STAG1: variants seen among roughly 807,000 people sequenced by gnomAD.
The protein encoded by STAG1 is cohesin subunit SA-1.
A neutral mutation model predicts 170.9 loss-of-function variants in STAG1; 26 were observed. That is an observed-to-expected ratio of 0.15 (90% CI 0.11 to 0.21). The LOEUF (loss-of-function observed/expected upper bound fraction) is 0.21, where lower values mean the gene tolerates loss of function less well. Among genes scored for constraint, STAG1 ranks in the 10% least tolerant of loss-of-function variants. The pLI is 1.00. For missense variants in STAG1, 964 were observed against 1,509.5 expected, an observed-to-expected ratio of 0.64 and a Z score of 5.99; for synonymous variants, 514 against 497.7, an observed-to-expected ratio of 1.03 and a Z score of -0.44.
intron 29 of STAG1, among the ~76,000 whole-genome samples, chr3:136,344,222 A>C (rs902214914): frequency 2.0e-5 from 3 of 152,184 alleles, no homozygotes; most frequent in African/African-American, 7.2e-5. Context: ...TAACCTCACG[A>C]AGTTGTAGGG....
chr3:136,562,266 CTT>C (rs879284648), intron 5 of STAG1, among the ~76,000 whole-genome samples: 4 of 137,052 alleles, frequency 2.9e-5, no homozygotes. Flanking sequence ...ATTTCTTTTT[CTT>C]TTTTTTTTTT....
chr3:136,644,390 G>A (rs887981188), intron 1 of STAG1, among the ~76,000 whole-genome samples: 4 of 152,144 alleles, frequency 2.6e-5, no homozygotes, highest in Non-Finnish European at 5.9e-5. Context: ...CACCATGCCT[G>A]CCAGCTGCCC....
At chr3:136,752,083 C>T (rs1433689371) in intron 1 of STAG1, 112 bp downstream of exon 1, 1 of 153,600 alleles carries the variant, frequency 6.5e-6, no homozygotes, top group East Asian at 1.9e-4. Flanking sequence ...CTCGCGCTCT[C>T]TCGCTCTCGC....
chr3:136,581,941 ATG>A (rs1322768493), intron 4 of STAG1, among the ~76,000 whole-genome samples: 10 of 152,222 alleles, frequency 6.6e-5, no homozygotes, highest in African/African-American at 2.4e-4. Context: ...AATTATGACT[ATG>A]TGTGATACTT....
chr3:136,524,149 G>A (rs1219301403), intron 6 of STAG1, among the ~76,000 whole-genome samples: 3 of 152,136 alleles, frequency 2.0e-5, no homozygotes, highest in African/African-American at 7.2e-5. Context: ...TTGGTAGCTT[G>A]ATGGGGATGG....
intron 1 of STAG1, among the ~76,000 whole-genome samples, chr3:136,728,105 G>A (rs57809245): frequency 6.6e-6 from 1 of 152,190 alleles, no homozygotes; most frequent in East Asian, 1.9e-4. Context: ...GTTGCAGTAA[G>A]CCGAGGTTGC....
chr3:136,713,487 G>A (rs113599378), intron 1 of STAG1, among the ~76,000 whole-genome samples: 7 of 151,918 alleles, frequency 4.6e-5, no homozygotes, highest in African/African-American at 1.4e-4. Context: ...GGAGGCTGAG[G>A]CAGAAGAATC....
In STAG1 at chr3:136,629,622, G is replaced by T. The variant is rs146697304; in HGVS notation, c.29+1248C>A. Among the ~76,000 whole-genome samples, 408 of 152,102 alleles carry T rather than the reference G, an allele frequency of 2.7e-3. 2 individuals are homozygous for T. The highest frequency in any genetic ancestry group is 9.5e-3 in the African/African-American group (396 of 41,488). On this transcript the variant is annotated intron_variant, in intron 2 of 33. Transcript: ENST00000383202. ...GACAGTATTGATGGTTTTTCAAGCGGTTTAAAGAAATTTGGATAGCTCTGT... is the reference window on the plus strand; with the variant it reads ...GACAGTATTGATGGTTTTTCAAGCGTTTTAAAGAAATTTGGATAGCTCTGT...
intron 1 of STAG1, among the ~76,000 whole-genome samples, chr3:136,633,710 AGGGG>A (rs71157394): frequency 0.014 from 608 of 44,836 alleles, 16 homozygotes; most frequent in African/African-American, 0.048. Flanking sequence ...TCAAAAAAAA[AGGGG>A]GGGGGGGGGG....
chr3:136,558,045 T>C (rs973143194), intron 5 of STAG1, among the ~76,000 whole-genome samples: 4 of 152,144 alleles, frequency 2.6e-5, no homozygotes, highest in African/African-American at 9.7e-5. Context: ...GGCTGCAAGA[T>C]GGAAGAAGAA....
At chr3:136,688,492 A>G (rs766719879) in intron 1 of STAG1, among the ~76,000 whole-genome samples, 9 of 152,110 alleles carry the variant, frequency 5.9e-5, no homozygotes, top group Non-Finnish European at 1.0e-4. Context: ...CTCCGCCTCA[A>G]GCAAGCCTCC....
At chr3:136,751,442 G>A (rs1224324145) in intron 1 of STAG1, among the ~76,000 whole-genome samples, 1 of 152,058 alleles carries the variant, frequency 6.6e-6, no homozygotes, top group South Asian at 2.1e-4. Context: ...GAGAAAGGAG[G>A]GAAAACAACT....
At chr3:136,726,347 TG>T (rs1933687931) in intron 1 of STAG1, among the ~76,000 whole-genome samples, 1 of 152,192 alleles carries the variant, frequency 6.6e-6, no homozygotes, top group Non-Finnish European at 1.5e-5. Context: ...TATTCCCAGT[TG>T]TGACAATCAA....
intron 13 of STAG1, among the ~76,000 whole-genome samples, chr3:136,462,145 C>CA (rs1370806890): frequency 6.6e-6 from 1 of 151,908 alleles, no homozygotes; most frequent in African/African-American, 2.4e-5. Flanking sequence ...GGAAGTTACT[C>CA]AAAAAACTAA....
intron 4 of STAG1, among the ~76,000 whole-genome samples, chr3:136,594,708 T>TTAATA (rs1938339620): frequency 6.6e-6 from 1 of 152,194 alleles, no homozygotes; most frequent in Non-Finnish European, 1.5e-5. Context: ...GTGAGTTTAA[T>TTAATA]TAATATTGTA....
chr3:136,614,289 G>A (rs1939465429), intron 3 of STAG1, among the ~76,000 whole-genome samples: 1 of 152,124 alleles, frequency 6.6e-6, no homozygotes, highest in African/African-American at 2.4e-5. Context: ...ATACAATCTT[G>A]TCAATTGGTA....
At chr3:136,346,779 G>C (rs1206196511) in intron 29 of STAG1, among the ~76,000 whole-genome samples, 1 of 152,196 alleles carries the variant, frequency 6.6e-6, no homozygotes, top group Non-Finnish European at 1.5e-5. Flanking sequence ...GCAAAAATTT[G>C]ATGAATGTTG....
At chr3:136,714,963 A>ATT (rs1229503377) in intron 1 of STAG1, among the ~76,000 whole-genome samples, 6 of 61,702 alleles carry the variant, frequency 9.7e-5, no homozygotes, top group Admixed American at 1.7e-4. Context: ...ATATATATAT[A>ATT]TTTTATATAT....
intron 21 of STAG1, among the ~76,000 whole-genome samples, chr3:136,404,466 C>A (rs2087421636): frequency 6.6e-6 from 1 of 152,040 alleles, no homozygotes; most frequent in African/African-American, 2.4e-5. Flanking sequence ...AACTTCGGTC[C>A]CTGAATGACT....
Sources: gnomAD v4.1 joint callset for allele counts (sites outside exome capture counted in the v4.1 genomes callset) on GRCh38, gnomAD v4.1.1 for gene constraint, MANE v1.5 for transcripts, NCBI Gene and HGNC (gene_info 2026-07-23, HGNC 2026-07-21) for gene names.